The following GALNT16 variants were observed in gnomAD, a reference collection of about 807,000 sequenced individuals.
GALNT16 encodes polypeptide N-acetylgalactosaminyltransferase 16.
GALNT16 carries 40 observed loss-of-function variants against 76.1 expected under a neutral mutation model. The observed-to-expected ratio is 0.53, with a 90% CI of 0.41 to 0.68. The LOEUF is 0.68. GALNT16 is among the 30% of genes least tolerant of loss of function. GALNT16 has a pLI of 0.00. For synonymous variants in GALNT16, 276 were observed against 285.2 expected (o/e 0.97, Z 0.32); for missense variants, 621 against 731.9 (o/e 0.85, Z 1.75).
chr14:69,318,732 T>A (rs2045136402), intron 1 of GALNT16, among the ~76,000 whole-genome samples: 2 of 152,250 alleles, frequency 1.3e-5, no homozygotes, highest in African/African-American at 4.8e-5. Context: ...ATACTCTCCC[T>A]TTGGGAGCTT....
intron 1 of GALNT16, among the ~76,000 whole-genome samples, chr14:69,265,977 T>G (rs1252657060): frequency 6.6e-6 from 1 of 152,144 alleles, no homozygotes; most frequent in Non-Finnish European, 1.5e-5. Flanking sequence ...CCTCTCTGAA[T>G]CCCCTCAACA....
chr14:69,325,237 T>C (rs547866847), intron 3 of GALNT16, 100 bp from the exon 4 acceptor site: 6 of 785,738 alleles, frequency 7.6e-6, no homozygotes, highest in African/African-American at 5.1e-5. Context: ...ATGCTGGCCC[T>C]GGAGCTGGGC....
chr14:69,279,910 C>T (rs1329077174), intron 1 of GALNT16, among the ~76,000 whole-genome samples: 1 of 152,184 alleles, frequency 6.6e-6, no homozygotes, highest in East Asian at 1.9e-4. Flanking sequence ...TATTCTGTTC[C>T]CAAGCCACAC....
chr14:69,263,547 G>C (rs1307088450), intron 1 of GALNT16, among the ~76,000 whole-genome samples: 1 of 152,208 alleles, frequency 6.6e-6, no homozygotes, highest in Non-Finnish European at 1.5e-5. Flanking sequence ...TTGCTCCCTT[G>C]GGGAATCAGA....
At chr14:69,383,257 G>T in the GALNT16 span, among the ~76,000 whole-genome samples, 1 of 152,212 alleles carries the variant, frequency 6.6e-6, no homozygotes, top group Non-Finnish European at 1.5e-5. Context: ...TGCATGGTCA[G>T]TTTGCTCTGG....
intron 1 of GALNT16, among the ~76,000 whole-genome samples, chr14:69,262,883 CTTTT>C (rs5809423): frequency 7.2e-6 from 1 of 138,898 alleles, no homozygotes; most frequent in Non-Finnish European, 1.5e-5. Flanking sequence ...TTCTTTTTTT[CTTTT>C]TTTTTTTTTT....
At chr14:69,311,022 G>A (rs2045012448) in intron 1 of GALNT16, among the ~76,000 whole-genome samples, 1 of 152,208 alleles carries the variant, frequency 6.6e-6, no homozygotes, top group African/African-American at 2.4e-5. Context: ...GCAGTCCAGG[G>A]GCATGGTCTT....
At chr14:69,262,421 T>G (rs2044288631) in intron 1 of GALNT16, among the ~76,000 whole-genome samples, 1 of 152,192 alleles carries the variant, frequency 6.6e-6, no homozygotes, top group Admixed American at 6.5e-5. Context: ...GCACTCATTT[T>G]GAGGGGTGGG....
At chr14:69,285,090 G>C (rs900479669) in intron 1 of GALNT16, among the ~76,000 whole-genome samples, 7 of 146,786 alleles carry the variant, frequency 4.8e-5, no homozygotes, top group African/African-American at 1.8e-4. Flanking sequence ...GCCCAGGCTG[G>C]AGTGGGGCAG....
intron 1 of GALNT16, among the ~76,000 whole-genome samples, chr14:69,308,875 C>T (rs967490862): frequency 1.3e-5 from 2 of 152,160 alleles, no homozygotes; most frequent in Non-Finnish European, 2.9e-5. Context: ...TATCATTCAC[C>T]AATGTATAAA....
intron 1 of GALNT16, among the ~76,000 whole-genome samples, chr14:69,319,291 C>T (rs1479575584): frequency 6.6e-6 from 1 of 152,202 alleles, no homozygotes; most frequent in Admixed American, 6.5e-5. Context: ...AGGTCGGGGG[C>T]TAGGCTCTCA....
At chr14:69,281,787 T>C (rs573064251) in intron 1 of GALNT16, among the ~76,000 whole-genome samples, 8 of 152,264 alleles carry the variant, frequency 5.3e-5, no homozygotes, top group East Asian at 1.9e-4. Context: ...CAAGCCTGTA[T>C]TGAAGAACCC....
intron 13 of GALNT16, 23 bp from the exon 14 acceptor site, chr14:69,347,854 C>G: frequency 6.2e-7 from 1 of 1,610,796 alleles, no homozygotes; most frequent in Non-Finnish European, 8.5e-7. Context: ...TTTGACTTGG[C>G]CTTTCTGCTC....
rs766703433 is a variant in GALNT16 at position 69,260,350 on chromosome 14, T to C, written c.60T>C (p.Thr20=). The change falls in exon 1 of 15, where the codon ACT becomes ACC. Residue 20 remains threonine (T), a synonymous_variant. Transcript: ENST00000448469. ...AILTVAWILG[T]FYYLWQDNRA... ...TGACCGTAGCCTGGATCCTGGGCACTTTCTACTACTTATGGCAGGACAACC... is the reference window on the plus strand; with the variant it reads ...TGACCGTAGCCTGGATCCTGGGCACCTTCTACTACTTATGGCAGGACAACC... 3 of 1,612,720 alleles carry C rather than the reference T, an allele frequency of 1.9e-6. No individual in the cohort carries two copies. Among genetic ancestry groups the C allele is most frequent in the South Asian group, 1.1e-5 (1 of 90,944 alleles).
the GALNT16 span, among the ~76,000 whole-genome samples, chr14:69,366,635 G>C: frequency 3.7e-4 from 56 of 152,276 alleles, 3 homozygotes; most frequent in East Asian, 2.5e-3. Flanking sequence ...ATTTGTTTAT[G>C]AACCTTAGTT....
At chr14:69,331,795 A>G (rs189486492) in intron 7 of GALNT16, among the ~76,000 whole-genome samples, 26 of 152,308 alleles carry the variant, frequency 1.7e-4, no homozygotes, top group Middle Eastern at 3.4e-3. Context: ...CTAGTCTCTC[A>G]TCTTTCCCTC....
the GALNT16 span, among the ~76,000 whole-genome samples, chr14:69,367,799 G>C: frequency 2.0e-5 from 3 of 151,978 alleles, no homozygotes. Flanking sequence ...GACCAATTTG[G>C]GCAACATAGG....
chr14:69,334,504 A>C (rs535496039), intron 9 of GALNT16, among the ~76,000 whole-genome samples: 42 of 152,324 alleles, frequency 2.8e-4, no homozygotes, highest in African/African-American at 9.6e-4. Flanking sequence ...GGAAGGTGCA[A>C]CCGACTTGAG....
intron 1 of GALNT16, among the ~76,000 whole-genome samples, chr14:69,296,799 A>AGC (rs1392779393): frequency 1.7e-4 from 21 of 120,546 alleles, no homozygotes; most frequent in African/African-American, 5.6e-4. Context: ...AGACAGACAG[A>AGC]TAGAGCTAGA....
Sources: gnomAD v4.1 joint callset for allele counts (sites outside exome capture counted in the v4.1 genomes callset) on GRCh38, gnomAD v4.1.1 for gene constraint, MANE v1.5 for transcripts, NCBI Gene and HGNC (gene_info 2026-07-23, HGNC 2026-07-21) for gene names.